Variants in NWD2 observed in about 807,000 individuals in gnomAD.
NWD2 encodes the protein NACHT and WD repeat domain containing 2, also known as NACHT and WD repeat domain-containing protein 2.
In NWD2, 37 loss-of-function variants were observed where a neutral mutation model predicts 132.7. The ratio of observed to expected loss-of-function variants is 0.28; its 90% confidence interval spans 0.21 to 0.37. NWD2 has a LOEUF of 0.37. Ranked by LOEUF, NWD2 falls within the 10% of genes least tolerant of loss-of-function variation. The pLI is 1.00. For synonymous variants in NWD2, 705 were observed against 803.0 expected, an observed-to-expected ratio of 0.88 and a Z score of 2.06; for missense variants, 1,592 against 2,122.4, an observed-to-expected ratio of 0.75 and a Z score of 4.91.
At chr4:37,344,538 T>TC (rs1280437913) in intron 2 of NWD2, among the ~76,000 whole-genome samples, 1 of 152,110 alleles carries the variant, frequency 6.6e-6, no homozygotes, top group African/African-American at 2.4e-5. Context: ...ACAAAAGACT[T>TC]CCATCAGTGG....
chr4:37,311,841 A>C (rs1030323980), intron 1 of NWD2, among the ~76,000 whole-genome samples: 4 of 149,420 alleles, frequency 2.7e-5, no homozygotes, highest in African/African-American at 1.0e-4. Context: ...TCAGCATTCT[A>C]CATATGGCTA....
intron 2 of NWD2, among the ~76,000 whole-genome samples, chr4:37,355,919 A>T (rs985241450): frequency 1.3e-5 from 2 of 152,122 alleles, no homozygotes; most frequent in African/African-American, 4.8e-5. Flanking sequence ...TTTTTAAGAA[A>T]TGTAGGTGTT....
chr4:37,342,993 AC>A (rs561744468), intron 2 of NWD2, among the ~76,000 whole-genome samples: 2 of 152,262 alleles, frequency 1.3e-5, no homozygotes, highest in South Asian at 4.1e-4. Flanking sequence ...ATTGCAAGTG[AC>A]CTGAACTCAG....
intron 3 of NWD2, among the ~76,000 whole-genome samples, chr4:37,357,876 G>A (rs1486399764): frequency 6.6e-6 from 1 of 152,080 alleles, no homozygotes; most frequent in Non-Finnish European, 1.5e-5. Context: ...AAGGGGAGAT[G>A]GAAAGAGGGG....
chr4:37,312,026 C>T (rs1438612556), intron 1 of NWD2, among the ~76,000 whole-genome samples: 2 of 152,020 alleles, frequency 1.3e-5, no homozygotes, highest in South Asian at 2.1e-4. Flanking sequence ...GTTTTGGTTA[C>T]TGTAGCCTTG....
intron 3 of NWD2, among the ~76,000 whole-genome samples, chr4:37,376,703 T>G (rs1720356164): frequency 6.6e-6 from 1 of 152,224 alleles, no homozygotes; most frequent in Admixed American, 6.5e-5. Flanking sequence ...TTATTGTCAG[T>G]ATTAATATAT....
intron 6 of NWD2, among the ~76,000 whole-genome samples, chr4:37,442,130 C>T (rs1392916567): frequency 6.6e-6 from 1 of 152,180 alleles, no homozygotes; most frequent in Non-Finnish European, 1.5e-5. Context: ...TAAAACTGAC[C>T]TCCATAAATC....
At chr4:37,339,510 A>G (rs1164302352) in intron 2 of NWD2, among the ~76,000 whole-genome samples, 2 of 152,228 alleles carry the variant, frequency 1.3e-5, no homozygotes, top group African/African-American at 2.4e-5. Context: ...TTTCTGCTAC[A>G]TGGTGGCTGT....
At chr4:37,351,533 T>C (rs762517265) in intron 2 of NWD2, among the ~76,000 whole-genome samples, 8 of 152,244 alleles carry the variant, frequency 5.3e-5, no homozygotes, top group Non-Finnish European at 1.2e-4. Flanking sequence ...ATATCGCCTT[T>C]ATCATTTGTT....
intron 2 of NWD2, among the ~76,000 whole-genome samples, chr4:37,347,665 C>A (rs1004114386): frequency 6.6e-6 from 1 of 152,096 alleles, no homozygotes; most frequent in African/African-American, 2.4e-5. Flanking sequence ...ATCCCTGTTA[C>A]AGCTAGGTAT....
At chr4:37,433,433 T>C (rs2109327073) in intron 4 of NWD2, among the ~76,000 whole-genome samples, 1 of 152,342 alleles carries the variant, frequency 6.6e-6, no homozygotes, top group African/African-American at 2.4e-5. Context: ...ACTATATAAA[T>C]GTTACTTTAT....
intron 2 of NWD2, among the ~76,000 whole-genome samples, chr4:37,328,289 A>G (rs73240373): frequency 0.021 from 3,210 of 152,160 alleles, 72 homozygotes; most frequent in Non-Finnish European, 0.031. Flanking sequence ...ATACGTGTGC[A>G]GAATATGCAG....
chr4:37,364,587 A>G (rs929292764), intron 3 of NWD2, among the ~76,000 whole-genome samples: 3 of 151,938 alleles, frequency 2.0e-5, no homozygotes, highest in African/African-American at 4.8e-5. Context: ...AACAAACACA[A>G]TCTGTCAGCA....
At chr4:37,313,482 T>C (rs368868628) in intron 1 of NWD2, among the ~76,000 whole-genome samples, 6 of 150,056 alleles carry the variant, frequency 4.0e-5, no homozygotes, top group African/African-American at 1.3e-4. Flanking sequence ...ATATCCCCTT[T>C]ATCATTTTTT....
rs369364030 is a variant in NWD2, at chr4:37,430,631, G to A, written c.417G>A (p.Glu139=). 3 of 1,551,486 alleles carry A rather than the reference G, an allele frequency of 1.9e-6. No individual in the cohort carries two copies. The highest frequency in any genetic ancestry group is 2.4e-5 in the South Asian group (2 of 84,058). The change falls in exon 4 of 7, where the codon GAG becomes GAA. Residue 139 remains glutamate (E), a synonymous_variant. Coordinates refer to ENST00000309447, the MANE Select transcript of NWD2 (RefSeq NM_001144990.2). ...IRIPGEVEAS[E]FEMILDAAIE... is the part of the protein sequence containing the mutation. Reference sequence around the variant, plus strand: ...TCCCTGGAGAAGTTGAAGCCTCAGAGTTTGAAATGATTTTGGATGCCGCCA... The same window carrying A: ...TCCCTGGAGAAGTTGAAGCCTCAGAATTTGAAATGATTTTGGATGCCGCCA...
chr4:37,369,093 C>T (rs1271470136), intron 3 of NWD2, among the ~76,000 whole-genome samples: 1 of 151,950 alleles, frequency 6.6e-6, no homozygotes, highest in Middle Eastern at 3.2e-3. Context: ...CTGCTGATGC[C>T]CAGATTATTA....
chr4:37,354,091 C>T (rs1257434592), intron 2 of NWD2, among the ~76,000 whole-genome samples: 1 of 152,136 alleles, frequency 6.6e-6, no homozygotes, highest in Non-Finnish European at 1.5e-5. Flanking sequence ...CCTTCCAACA[C>T]TCAGGACCCT....
chr4:37,376,365 G>C (rs977777164), intron 3 of NWD2, among the ~76,000 whole-genome samples: 1 of 152,138 alleles, frequency 6.6e-6, no homozygotes, highest in Non-Finnish European at 1.5e-5. Flanking sequence ...CACATTGTTT[G>C]GCTACCAATA....
At chr4:37,255,412 G>A (rs1219332378) in intron 1 of NWD2, among the ~76,000 whole-genome samples, 1 of 152,170 alleles carries the variant, frequency 6.6e-6, no homozygotes, top group Non-Finnish European at 1.5e-5. Context: ...AGTGAGTCCA[G>A]ATCCAAGGGA....
Sources: gnomAD v4.1 joint callset for allele counts (sites outside exome capture counted in the v4.1 genomes callset) on GRCh38, gnomAD v4.1.1 for gene constraint, MANE v1.5 for transcripts, NCBI Gene and HGNC (gene_info 2026-07-23, HGNC 2026-07-21) for gene names.